Variants in ANXA4 observed in about 807,000 individuals in gnomAD.
The protein encoded by ANXA4 is 35-beta calcimedin.
In ANXA4, 39 loss-of-function variants were observed where a neutral mutation model predicts 49.8. That is an observed-to-expected ratio of 0.78 (90% CI 0.61 to 1.02). The LOEUF is 1.02. Ranked by LOEUF, ANXA4 falls within the 50% of genes least tolerant of loss-of-function variation. The pLI is 0.00. For synonymous variants in ANXA4, 134 were observed against 152.5 expected, an observed-to-expected ratio of 0.88 and a Z score of 0.89; for missense variants, 360 against 410.1, an observed-to-expected ratio of 0.88 and a Z score of 1.05.
At chr2:69,759,766 G>A (rs991755551) in intron 1 of ANXA4, among the ~76,000 whole-genome samples, 11 of 152,214 alleles carry the variant, frequency 7.2e-5, no homozygotes, top group Non-Finnish European at 1.3e-4. Context: ...ATTTTTTGGC[G>A]TGTACATATA....
At chr2:69,648,413 G>A (rs1676090086) in intron 1 of ANXA4, among the ~76,000 whole-genome samples, 1 of 152,124 alleles carries the variant, frequency 6.6e-6, no homozygotes, top group African/African-American at 2.4e-5. Flanking sequence ...TAAGAGGGAG[G>A]GGCAGAGGCA....
intron 1 of ANXA4, among the ~76,000 whole-genome samples, chr2:69,743,043 C>T (rs1256897995): frequency 6.6e-6 from 1 of 152,294 alleles, no homozygotes; most frequent in East Asian, 1.9e-4. Context: ...GACGAGGTCT[C>T]ACTCCTGTAG....
At chr2:69,759,686 C>G (rs1671195805) in intron 1 of ANXA4, among the ~76,000 whole-genome samples, 1 of 152,114 alleles carries the variant, frequency 6.6e-6, no homozygotes, top group Non-Finnish European at 1.5e-5. Flanking sequence ...CCAGCACTGA[C>G]TGTCCAGGAT....
intron 2 of ANXA4, among the ~76,000 whole-genome samples, chr2:69,671,679 C>T (rs1324084379): frequency 2.0e-5 from 3 of 152,128 alleles, no homozygotes; most frequent in Admixed American, 6.5e-5. Context: ...GCTGAGATTG[C>T]GCCACTGCAC....
At chr2:69,765,964 C>A (rs1671476686) in intron 1 of ANXA4, among the ~76,000 whole-genome samples, 1 of 152,182 alleles carries the variant, frequency 6.6e-6, no homozygotes, top group African/African-American at 2.4e-5. Context: ...TTCTTGCAGG[C>A]CCGCTATGTG....
At chr2:69,820,896 T>C in intron 12 of ANXA4, 75 bp downstream of exon 12, 3 of 1,483,936 alleles carry the variant, frequency 2.0e-6, no homozygotes, top group Non-Finnish European at 2.7e-6. Flanking sequence ...TTAGCACTTG[T>C]TGTCCCCCTC....
chr2:69,759,079 T>C (rs1671171089), intron 1 of ANXA4, among the ~76,000 whole-genome samples: 2 of 145,880 alleles, frequency 1.4e-5, no homozygotes, highest in South Asian at 4.3e-4. Context: ...GAGGTTTCAG[T>C]GAGCCAAGAT....
chr2:69,649,086 A>G (rs955935646), intron 1 of ANXA4, among the ~76,000 whole-genome samples: 1 of 151,848 alleles, frequency 6.6e-6, no homozygotes, highest in Non-Finnish European at 1.5e-5. Context: ...GGGTTTCTCC[A>G]TGTTGGTCAG....
chr2:69,737,066 GTGC>G (rs60353214), upstream of ANXA4, among the ~76,000 whole-genome samples: 72,867 of 151,584 alleles, frequency 0.48, 17,956 homozygotes, highest in East Asian at 0.7. Flanking sequence ...GCCTCTCAGA[GTGC>G]TGGGATTACA....
intron 2 of ANXA4, among the ~76,000 whole-genome samples, chr2:69,657,945 A>G (rs1676566511): frequency 6.6e-6 from 1 of 152,212 alleles, no homozygotes; most frequent in Non-Finnish European, 1.5e-5. Context: ...TTCAATATAT[A>G]AGTGGATGAG....
rs2103820185 is a variant in ANXA4 at position 69,806,477 on chromosome 2, A to G, written c.285A>G (p.Gln95=). Residue 95 remains glutamine, a synonymous_variant, in exon 5 of 13, where the codon CAA becomes CAG. Transcript: ENST00000394295. ...CGCCCACGGTGCTGTATGACGTGCAAGAGCTGCGAAGGGCCATGAAGGTCT... is the reference window on the plus strand; with the variant it reads ...CGCCCACGGTGCTGTATGACGTGCAGGAGCTGCGAAGGGCCATGAAGGTCT... The part of the protein sequence containing the change: ...MMTPTVLYDV[Q]ELRRAMKGAG... 2 of 1,614,044 alleles carry G rather than the reference A, an allele frequency of 1.2e-6. No homozygotes were observed. Among genetic ancestry groups the G allele is most frequent in the Non-Finnish European group, 8.5e-7 (1 of 1,179,918 alleles).
intron 2 of ANXA4, among the ~76,000 whole-genome samples, chr2:69,711,669 C>T (rs1353729437): frequency 6.6e-6 from 1 of 152,080 alleles, no homozygotes; most frequent in East Asian, 1.9e-4. Flanking sequence ...GTACATTGTA[C>T]CTCAATAAAG....
At chr2:69,748,017 A>T (rs1358737590) in intron 1 of ANXA4, among the ~76,000 whole-genome samples, 1 of 152,130 alleles carries the variant, frequency 6.6e-6, no homozygotes, top group Non-Finnish European at 1.5e-5. Flanking sequence ...GTGGGGGACA[A>T]GAGAACGGAT....
rs570897204 is a variant in ANXA4, at chr2:69,656,229, GTA to G, written n.766+2956_766+2957del. Among the ~76,000 whole-genome samples, 78 of 126,090 alleles carry G rather than the reference GTA, an allele frequency of 6.2e-4. 1 individual carries two copies. The highest frequency in any genetic ancestry group is 2.0e-3 in the African/African-American group (67 of 33,356). 82.7% of individuals were successfully genotyped at this position (126,090 alleles called of 152,430 possible). Reference sequence around the variant, plus strand: ...TACACACACATATATATGTATATATGTATATATATACGTATATATATGTATAT... The same window carrying G: ...TACACACACATATATATGTATATATGTATATATACGTATATATATGTATAT... On this transcript the variant is annotated intron_variant and non_coding_transcript_variant, in intron 2 of 3. Coordinates refer to the ANXA4 transcript ENST00000418066.
chr2:69,789,126 G>GC (rs1288965699), intron 3 of ANXA4, among the ~76,000 whole-genome samples: 1 of 152,208 alleles, frequency 6.6e-6, no homozygotes, highest in African/African-American at 2.4e-5. Flanking sequence ...TGTATATGGT[G>GC]CCACAGATTT....
rs76656745 is a variant in ANXA4 at position 69,812,131 on chromosome 2, T to TG, written c.478-522_478-521insG. Reference sequence around the variant, plus strand: ...TCCCAACCTCCCCACCTTTTTTTTTTTTTTTTTTAAGATTCAAGGTCTTGC... The same window carrying TG: ...TCCCAACCTCCCCACCTTTTTTTTTTGTTTTTTTTAAGATTCAAGGTCTTGC... On this transcript the variant is annotated intron_variant, in intron 7 of 12. Transcript: ENST00000394295. Among the ~76,000 whole-genome samples, 146 of 151,024 alleles carry TG rather than the reference T, an allele frequency of 9.7e-4. No homozygotes were observed. In the East Asian group the frequency reaches 0.017, roughly 18 times the overall value.
At chr2:69,742,416 A>G (rs1670432433) in intron 1 of ANXA4, among the ~76,000 whole-genome samples, 1 of 152,194 alleles carries the variant, frequency 6.6e-6, no homozygotes, top group Admixed American at 6.5e-5. Flanking sequence ...CATCCAGGAC[A>G]TCCAGGGCCG....
chr2:69,818,304 G>A (rs1674089276), intron 9 of ANXA4: 1 of 199,292 alleles, frequency 5.0e-6, no homozygotes, highest in African/African-American at 2.3e-5. Flanking sequence ...GAAACAATGA[G>A]AAAGGAAAGC....
chr2:69,706,218 G>A (rs72901441), intron 2 of ANXA4, among the ~76,000 whole-genome samples: 8,132 of 147,990 alleles, frequency 0.055, 770 homozygotes, highest in African/African-American at 0.19. Flanking sequence ...TTGCTAAATG[G>A]CATTTCAGTA....
Sources: gnomAD v4.1 joint callset for allele counts (sites outside exome capture counted in the v4.1 genomes callset) on GRCh38, gnomAD v4.1.1 for gene constraint, MANE v1.5 for transcripts, NCBI Gene and HGNC (gene_info 2026-07-23, HGNC 2026-07-21) for gene names.